The following APC variants were observed in gnomAD, a reference collection of about 807,000 sequenced individuals.
APC encodes the protein APC regulator of Wnt signaling pathway.
APC carries 72 observed loss-of-function variants against 247.0 expected under a neutral mutation model. The ratio of observed to expected loss-of-function variants is 0.29; its 90% CI spans 0.24 to 0.35. The LOEUF (loss-of-function observed/expected upper bound fraction) is 0.35, where lower values mean the gene tolerates loss of function less well. APC is among the 10% of genes least tolerant of loss of function. The pLI is 1.00. For synonymous variants in APC, 1,254 were observed against 1,162.5 expected (o/e 1.08, Z -1.60); for missense variants, 3,400 against 3,360.7 (o/e 1.01, Z -0.29).
At position 112,843,858 on chromosome 5, in the gene APC, C is replaced by G. The variant is rs1383526361; in HGVS notation, c.8264C>G (p.Ser2755Cys). Residue 2755 changes from serine to cysteine, a missense_variant, in exon 16 of 16, where the codon TCT becomes TGT. Ser to Cys is a moderately radical substitution (Grantham distance 112). Coordinates refer to ENST00000257430, the MANE Select transcript of APC (RefSeq NM_000038.6). The surrounding 1 kb of genome is among the most constrained non-coding windows in gnomAD (Gnocchi z 4.8). ...PVPVSETNESSIVERTPFSSS... is the reference protein window; with the variant it reads ...PVPVSETNESCIVERTPFSSS... Reference sequence around the variant, plus strand: ...CCTGTATCAGAGACTAATGAAAGTTCTATAGTGGAACGTACCCCATTCAGT... The same window carrying G: ...CCTGTATCAGAGACTAATGAAAGTTGTATAGTGGAACGTACCCCATTCAGT... The G allele has an allele frequency of 1.2e-6, 2 of 1,613,888 alleles. No individual in the cohort carries two copies. The highest frequency in any genetic ancestry group is 1.7e-5 in the Admixed American group (1 of 59,988).
At chr5:112,713,183 A>AC (rs1750961814) in intron 1 of APC, among the ~76,000 whole-genome samples, 1 of 151,928 alleles carries the variant, frequency 6.6e-6, no homozygotes, top group Non-Finnish European at 1.5e-5. Flanking sequence ...AAAAAAAAAA[A>AC]AAACCAGTAT....
intron 4 of APC, among the ~76,000 whole-genome samples, chr5:112,768,380 A>G (rs1179406824): frequency 6.6e-6 from 1 of 151,876 alleles, no homozygotes; most frequent in African/African-American, 2.4e-5. Flanking sequence ...AAAAAAAGAA[A>G]AAAAGTAGTA....
chr5:112,754,786 G>A, intron 1 of APC, 87 bp from the exon 2 acceptor site: 1 of 1,285,422 alleles, frequency 7.8e-7, no homozygotes, highest in Non-Finnish European at 1.1e-6. Context: ...CGTCTTAAGA[G>A]TTTTGTTTCC....
At position 112,707,836 on chromosome 5, in the gene APC, G is replaced by A. The variant is rs587778028; in HGVS notation, c.119G>A (p.Ser40Asn). 12 of 1,370,422 alleles carry A rather than the reference G, an allele frequency of 8.8e-6. No homozygotes were observed. Among genetic ancestry groups the A allele is most frequent in the Non-Finnish European group, 7.7e-6 (8 of 1,038,746 alleles). The allele number at this position is 1,370,422 out of a possible 1,614,324, so 84.9% of individuals were successfully genotyped here. A position where few individuals can be genotyped will look rare whatever the true frequency, so the allele number is the denominator to read the frequency against. Residue 40 changes from serine (S) to asparagine (N), a missense_variant, in exon 1 of 14, where the codon AGC becomes AAC. Ser to Asn is a conservative substitution (Grantham distance 46). Coordinates refer to the APC transcript ENST00000507379. Reference sequence around the variant, plus strand: ...AGCTGCGTCCGGCAGGAGACGAAGAGCCCGGGCGGCGCTCGTACTTCTGGC... The same window carrying A: ...AGCTGCGTCCGGCAGGAGACGAAGAACCCGGGCGGCGCTCGTACTTCTGGC...
At chr5:112,836,035 T>C (rs1241958651) in intron 15 of APC, among the ~76,000 whole-genome samples, 6 of 94,620 alleles carry the variant, frequency 6.3e-5, no homozygotes, top group East Asian at 4.3e-4. Context: ...TTTTTTTTTT[T>C]CTTGAGATGG....
intron 4 of APC, among the ~76,000 whole-genome samples, chr5:112,769,750 T>C (rs969604781): frequency 6.6e-6 from 1 of 152,204 alleles, no homozygotes; most frequent in African/African-American, 2.4e-5. Flanking sequence ...TATTAGTATA[T>C]AGGAAATGCC....
chr5:112,783,765 C>CAAAAAA (rs77929348), intron 6 of APC: 22 of 197,976 alleles, frequency 1.1e-4, no homozygotes, highest in East Asian at 3.0e-4. Flanking sequence ...CCACTGCACT[C>CAAAAAA]AAAAAAAAAA....
intron 1 of APC, among the ~76,000 whole-genome samples, chr5:112,743,530 A>G (rs1753282229): frequency 6.6e-6 from 1 of 152,248 alleles, no homozygotes; most frequent in Admixed American, 6.5e-5. Flanking sequence ...AAAGCATAGT[A>G]TAATATATAA....
intron 1 of APC, among the ~76,000 whole-genome samples, chr5:112,726,507 C>T (rs958637882): frequency 6.6e-5 from 10 of 152,196 alleles, no homozygotes; most frequent in Admixed American, 6.5e-4. Context: ...CTCCATTTGT[C>T]TCCTTGTGGA....
At position 112,842,181 on chromosome 5, in the gene APC, A is replaced by G. The variant is rs765877447; in HGVS notation, c.6587A>G (p.Lys2196Arg). ...KGIKGGKKVY[K>R]SLITGKVRSN... is the part of the protein sequence containing the mutation. ...ATCAAAGGAGGAAAAAAAGTTTATA[A>G]AAGTTTGATTACTGGAAAAGTTCGA... Residue 2196 changes from lysine (K) to arginine (R), a missense_variant, in exon 16 of 16, where the codon AAA becomes AGA. This residue lies in a region of APC where 1,788 missense variants were observed against 1,649.5 expected (regional missense o/e 1.08). Coordinates refer to ENST00000257430, the MANE Select transcript of APC (RefSeq NM_000038.6). 1 of 1,613,058 alleles carries G rather than the reference A, an allele frequency of 6.2e-7. No homozygotes were observed. Among genetic ancestry groups the G allele is most frequent in the African/African-American group, 1.3e-5 (1 of 74,984 alleles).
intron 7 of APC, among the ~76,000 whole-genome samples, chr5:112,797,993 C>T (rs1054881758): frequency 6.6e-6 from 1 of 152,128 alleles, no homozygotes; most frequent in African/African-American, 2.4e-5. Context: ...AATAGTACAG[C>T]CACCATTTTA....
rs775855783 is a variant in APC at position 112,838,330 on chromosome 5, A to G, written c.2736A>G (p.Leu912=). ...EDRSSGSTTE[L]HCVTDERNAL... ...GAAGTTCTGGGTCTACCACTGAATT[A>G]CATTGTGTGACAGATGAGAGAAATG... Residue 912 remains leucine, a synonymous_variant, in exon 16 of 16, where the codon TTA becomes TTG. Coordinates refer to ENST00000257430, the MANE Select transcript of APC (RefSeq NM_000038.6). The G allele has an allele frequency of 1.9e-6, 3 of 1,614,206 alleles. No individual in the cohort carries two copies. The highest frequency in any genetic ancestry group is 2.5e-6 in the Non-Finnish European group (3 of 1,180,030).
Position 112,823,629 on chromosome 5 carries a change from TC to T in APC, c.1408+1639del, listed in dbSNP as rs529787984. ...TACATATATGAAGATTCTACAGCTA[TC>T]AGTCATTTAAGTTTGCACTTATTAG... On this transcript the variant is annotated intron_variant, in intron 11 of 15. Transcript: ENST00000257430. 4.6e-4 allele frequency among the ~76,000 whole-genome samples: 70 copies of T among 152,224 alleles called. 1 individual carries two copies. Among genetic ancestry groups the T allele is most frequent in the Admixed American group, 6.5e-4 (10 of 15,276 alleles).
At chr5:112,815,689 A>G in intron 9 of APC, 96 bp downstream of exon 9, 1 of 967,022 alleles carries the variant, frequency 1.0e-6, no homozygotes, top group African/African-American at 1.6e-5. Context: ...TAATCCCAGC[A>G]TTTTGGGAGG....
intron 1 of APC, among the ~76,000 whole-genome samples, chr5:112,726,519 C>T (rs758984473): frequency 3.3e-5 from 5 of 152,098 alleles, no homozygotes; most frequent in African/African-American, 4.8e-5. Flanking sequence ...CCTTGTGGAG[C>T]AGGGGGTTTG....
At chr5:112,759,307 C>T (rs868065242) in intron 2 of APC, among the ~76,000 whole-genome samples, 1 of 151,692 alleles carries the variant, frequency 6.6e-6, no homozygotes, top group Non-Finnish European at 1.5e-5. Context: ...ACTGGTATAA[C>T]CACAGCAGAT....
chr5:112,837,891 C>G lies in APC; in HGVS notation c.2297C>G (p.Ala766Gly), dbSNP rs200339830. Residue 766 changes from alanine (A) to glycine (G), a missense_variant, in exon 16 of 16, where the codon GCT (alanine) becomes GGT (glycine). Coordinates refer to ENST00000257430, the MANE Select transcript of APC (RefSeq NM_000038.6). ...KQKALEAELD[A>G]QHLSETFDNI... The stretch of plus-strand genomic sequence containing the variant: ...AAAGCCCTAGAAGCAGAATTAGATG[C>G]TCAGCACTTATCAGAAACTTTTGAC... 6.2e-7 allele frequency: 1 copy of G among 1,614,084 alleles called. No individual in the cohort carries two copies. Among genetic ancestry groups the G allele is most frequent in the Non-Finnish European group, 8.5e-7 (1 of 1,180,006 alleles).
rs544283427 is a variant in APC, at chr5:112,786,278, G to C, written c.645+5375G>C. ...TAACCCATGTTTTTTAATGGACAGA[G>C]GATGTAATAAGGCAGTTCATTAAAA... On this transcript the variant is annotated intron_variant, in intron 6 of 15. Coordinates refer to ENST00000257430, the MANE Select transcript of APC (RefSeq NM_000038.6). Among the ~76,000 whole-genome samples, 4 of 152,198 alleles carry C rather than the reference G, an allele frequency of 2.6e-5. No individual in the cohort carries two copies. In the East Asian group the frequency reaches 7.7e-4, roughly 29 times the overall value.
Position 112,839,238 on chromosome 5 carries a change from G to A in APC, c.3644G>A (p.Ser1215Asn), listed in dbSNP as rs587778041. Residue 1215 changes from serine to asparagine, a missense_variant, in exon 16 of 16, where the codon AGT becomes AAT. Physicochemically the swap from Ser to Asn is conservative, Grantham distance 46 (BLOSUM62 1). Coordinates refer to ENST00000257430, the MANE Select transcript of APC (RefSeq NM_000038.6). The surrounding 1 kb of genome is among the most constrained non-coding windows in gnomAD (Gnocchi z 5.0). ...AAAACCGAACATATGTCTTCAAGCAGTGAGAATACGTCCACACCTTCATCT... is the reference window on the plus strand; with the variant it reads ...AAAACCGAACATATGTCTTCAAGCAATGAGAATACGTCCACACCTTCATCT... ...SSKTEHMSSS[S>N]ENTSTPSSNA... is the part of the protein sequence containing the mutation. The A allele has an allele frequency of 3.1e-6, 5 of 1,614,162 alleles. No homozygotes were observed. Among genetic ancestry groups the A allele is most frequent in the Non-Finnish European group, 4.2e-6 (5 of 1,180,032 alleles).
Sources: allele counts gnomAD v4.1 joint callset (sites outside exome capture counted in the v4.1 genomes callset), GRCh38; gene constraint gnomAD v4.1.1; regional missense constraint gnomAD v4.1.1; non-coding constraint Gnocchi (gnomAD v3.1); transcripts MANE v1.5; gene names NCBI Gene and HGNC (gene_info 2026-07-23, HGNC 2026-07-21).